Variants in FGF12 observed in about 807,000 individuals in gnomAD.
FGF12 encodes fibroblast growth factor 12B.
Under a neutral mutation model 23.6 loss-of-function variants are expected in FGF12, and 14 were observed. The observed-to-expected ratio is 0.59, with a 90% CI of 0.39 to 0.93. The LOEUF (loss-of-function observed/expected upper bound fraction) is 0.93. Ranked by LOEUF, FGF12 falls within the 40% of genes least tolerant of loss-of-function variation. The pLI is 0.00. For missense variants in FGF12, 175 were observed against 217.8 expected (o/e 0.80, Z 1.24); for synonymous variants, 62 against 77.3 (o/e 0.80, Z 1.04).
At chr3:192,158,384 T>TTCTTTC (rs765357293) in intron 5 of FGF12, among the ~76,000 whole-genome samples, 784 of 62,638 alleles carry the variant, frequency 0.013, 24 homozygotes, top group South Asian at 0.031. Flanking sequence ...CTTTCTTTCT[T>TTCTTTC]TTCTTTCTCT....
At chr3:192,498,726 C>T (rs1396394191) in intron 2 of FGF12, among the ~76,000 whole-genome samples, 1 of 152,208 alleles carries the variant, frequency 6.6e-6, no homozygotes, top group Admixed American at 6.5e-5. Context: ...TAATAGAAGT[C>T]AGTCTGGATG....
chr3:192,370,303 T>C (rs993687344), intron 2 of FGF12, among the ~76,000 whole-genome samples: 2 of 152,198 alleles, frequency 1.3e-5, no homozygotes, highest in Non-Finnish European at 2.9e-5. Context: ...TTATGCCACG[T>C]GTATGTGCCA....
intron 2 of FGF12, among the ~76,000 whole-genome samples, chr3:192,461,578 G>C (rs530290338): frequency 6.3e-4 from 96 of 152,172 alleles, no homozygotes; most frequent in African/African-American, 2.3e-3. Context: ...GAAATTTTAT[G>C]TTCTCATTCC....
chr3:192,464,982 G>A (rs748044699), intron 2 of FGF12, among the ~76,000 whole-genome samples: 3 of 152,084 alleles, frequency 2.0e-5, no homozygotes, highest in Admixed American at 6.6e-5. Context: ...CAAATATCCC[G>A]TGCTTTCTTA....
intron 2 of FGF12, among the ~76,000 whole-genome samples, chr3:192,673,968 T>C (rs1717230075): frequency 6.6e-6 from 1 of 151,138 alleles, no homozygotes; most frequent in African/African-American, 2.4e-5. Flanking sequence ...ATCACCACAC[T>C]CAGACAGCTT....
intron 2 of FGF12, among the ~76,000 whole-genome samples, chr3:192,658,610 T>C (rs1716535362): frequency 6.6e-6 from 1 of 152,126 alleles, no homozygotes; most frequent in Non-Finnish European, 1.5e-5. Context: ...ATAGGTTAGC[T>C]TGAGAATAAA....
chr3:192,383,018 A>C (rs1560093782), intron 2 of FGF12, among the ~76,000 whole-genome samples: 1 of 152,186 alleles, frequency 6.6e-6, no homozygotes, highest in East Asian at 1.9e-4. Flanking sequence ...AATTGTCTTG[A>C]CTTAGTTATT....
intron 2 of FGF12, among the ~76,000 whole-genome samples, chr3:192,619,641 A>C (rs527850441): frequency 1.1e-4 from 16 of 152,186 alleles, no homozygotes; most frequent in Non-Finnish European, 1.9e-4. Flanking sequence ...TCCAAGTAGT[A>C]AACCCAATTC....
intron 2 of FGF12, among the ~76,000 whole-genome samples, chr3:192,550,627 G>A (rs905700689): frequency 2.0e-5 from 3 of 151,848 alleles, no homozygotes; most frequent in Admixed American, 1.3e-4. Flanking sequence ...AATTACATAG[G>A]TAGGGTATAG....
At chr3:192,217,943 TCTC>T (rs1337438803) in intron 4 of FGF12, among the ~76,000 whole-genome samples, 1 of 151,986 alleles carries the variant, frequency 6.6e-6, no homozygotes, top group Non-Finnish European at 1.5e-5. Context: ...TTCAAGCAAT[TCTC>T]CTGCCTCATC....
intron 2 of FGF12, among the ~76,000 whole-genome samples, chr3:192,510,451 C>A (rs1271185850): frequency 6.6e-6 from 1 of 152,102 alleles, no homozygotes; most frequent in African/African-American, 2.4e-5. Flanking sequence ...TATTAGAATG[C>A]CCAAAATCCA....
intron 4 of FGF12, among the ~76,000 whole-genome samples, chr3:192,233,530 T>C (rs996888127): frequency 1.2e-4 from 19 of 152,240 alleles, no homozygotes; most frequent in African/African-American, 4.6e-4. Context: ...TCTTTTGCTA[T>C]GCAGAAGATC....
intron 2 of FGF12, among the ~76,000 whole-genome samples, chr3:192,588,108 G>A (rs1275212423): frequency 6.6e-6 from 1 of 151,494 alleles, no homozygotes; most frequent in African/African-American, 2.4e-5. Flanking sequence ...CACTTTAGGA[G>A]GCCGAGGTGG....
intron 2 of FGF12, among the ~76,000 whole-genome samples, chr3:192,635,763 G>C (rs576300413): frequency 6.6e-6 from 1 of 152,102 alleles, no homozygotes; most frequent in Non-Finnish European, 1.5e-5. Context: ...CATCCTTTTA[G>C]TATATGTTAG....
chr3:192,239,770 C>T (rs931696287), intron 4 of FGF12, among the ~76,000 whole-genome samples: 1 of 152,236 alleles, frequency 6.6e-6, no homozygotes, highest in African/African-American at 2.4e-5. Context: ...CAACCCCCAA[C>T]TAGTCTGTGG....
intron 2 of FGF12, among the ~76,000 whole-genome samples, chr3:192,457,389 G>C (rs1203236601): frequency 1.3e-5 from 2 of 152,176 alleles, no homozygotes; most frequent in Non-Finnish European, 2.9e-5. Context: ...CTAGAGACTT[G>C]TTGAATGGTT....
intron 2 of FGF12, among the ~76,000 whole-genome samples, chr3:192,667,682 T>C (rs1017188081): frequency 4.8e-5 from 7 of 144,346 alleles, no homozygotes; most frequent in African/African-American, 7.8e-5. Flanking sequence ...GTATCCCTGA[T>C]AGAGGGGCAG....
intron 2 of FGF12, among the ~76,000 whole-genome samples, chr3:192,665,843 C>A (rs1505450): frequency 0.49 from 74,766 of 151,958 alleles, 18,653 homozygotes; most frequent in Non-Finnish European, 0.52. Flanking sequence ...CACTCAAAAC[C>A]GAATTCAGGA....
At chr3:192,338,530 G>T (rs1717531779) in intron 3 of FGF12, among the ~76,000 whole-genome samples, 1 of 152,116 alleles carries the variant, frequency 6.6e-6, no homozygotes, top group Non-Finnish European at 1.5e-5. Context: ...ACAGCATAAA[G>T]GTGTCCTTTG....
Sources: allele counts gnomAD v4.1 joint callset (sites outside exome capture counted in the v4.1 genomes callset), GRCh38; gene constraint gnomAD v4.1.1; transcripts MANE v1.5; gene names NCBI Gene and HGNC (gene_info 2026-07-23, HGNC 2026-07-21).